The following AFF3 variants were observed in gnomAD, a reference collection of about 807,000 sequenced individuals.
The protein encoded by AFF3 is AF4/FMR2 family member 3.
AFF3 carries 32 observed loss-of-function variants against 129.7 expected under a neutral mutation model. The observed-to-expected ratio is 0.25, with a 90% CI of 0.19 to 0.33. The LOEUF is 0.33. Among genes scored for constraint, AFF3 ranks in the 10% least tolerant of loss-of-function variants. The pLI is 1.00. For missense variants in AFF3, 1,373 were observed against 1,592.0 expected (o/e 0.86, Z 2.34); for synonymous variants, 644 against 635.4 (o/e 1.01, Z -0.20).
Position 100,090,951 on chromosome 2 carries a change from A to G in AFF3, c.53+13451T>C, listed in dbSNP as rs866763730. Among the ~76,000 whole-genome samples the G allele has an allele frequency of 3.3e-5, 5 of 152,254 alleles. No homozygotes were observed. The Middle Eastern group carries it at 0.01, about 313-fold the overall frequency. On this transcript the variant is annotated intron_variant, in intron 4 of 24. Transcript: ENST00000672756. ...GTGATCTACCCACCTCGGCCTCCCA[A>G]AGTGCTGGGATTACAGGCGTGAGCC...
chr2:99,630,307 G>A (rs1000426292), intron 13 of AFF3, among the ~76,000 whole-genome samples: 1 of 152,198 alleles, frequency 6.6e-6, no homozygotes, highest in Non-Finnish European at 1.5e-5. Flanking sequence ...TGGCAGTGGT[G>A]TTAGAAAACA....
At chr2:99,603,041 C>T (rs1238273286) in intron 13 of AFF3, among the ~76,000 whole-genome samples, 2 of 152,320 alleles carry the variant, frequency 1.3e-5, no homozygotes, top group South Asian at 2.1e-4. Context: ...TCACGGTCCA[C>T]ACTGATTGTC....
intron 7 of AFF3, among the ~76,000 whole-genome samples, chr2:99,898,731 G>A (rs1243472976): frequency 2.0e-5 from 3 of 152,158 alleles, no homozygotes; most frequent in Non-Finnish European, 4.4e-5. Context: ...CACCCACTCT[G>A]ATCACCTCCT....
intron 4 of AFF3, among the ~76,000 whole-genome samples, chr2:100,071,504 T>C (rs953012114): frequency 1.3e-5 from 2 of 152,112 alleles, no homozygotes; most frequent in African/African-American, 4.8e-5. Flanking sequence ...AAAGCAAGCA[T>C]CCACTTTACC....
In AFF3 at chr2:100,056,061, TCTCACA is replaced by T. The variant is rs1395975164; in HGVS notation, c.54-47135_54-47130del. On this transcript the variant is annotated intron_variant, in intron 4 of 24. Transcript: ENST00000672756. ...ACAAAAAAAAAAATCGCTGTCTCTC[TCTCACA>T]CACACACACACACACACACACACAC... Among the ~76,000 whole-genome samples the T allele has an allele frequency of 8.1e-3, 1,088 of 133,506 alleles. 16 individuals carry two copies. Among genetic ancestry groups the T allele is most frequent in the African/African-American group, 0.026 (866 of 33,862 alleles). The allele number at this position is 133,506 out of a possible 152,430, so 87.6% of individuals were successfully genotyped here.
At chr2:99,891,563 G>A (rs1227958334) in intron 7 of AFF3, among the ~76,000 whole-genome samples, 3 of 152,308 alleles carry the variant, frequency 2.0e-5, no homozygotes, top group South Asian at 2.1e-4. Context: ...TACCCCTGCT[G>A]CAGGTGCGGG....
Position 99,729,880 on chromosome 2 carries a change from G to C in AFF3, c.1040-2752C>G, listed in dbSNP as rs540894393. On this transcript the variant is annotated intron_variant, in intron 10 of 24. Transcript: ENST00000672756. ...CCAATGTTTCACACTGGTCTCTTTG[G>C]GAGGGAATCTGCATTGGTCATTAAT... is the stretch of plus-strand genomic sequence containing the variant. Among the ~76,000 whole-genome samples, 5 of 151,986 alleles carry C rather than the reference G, an allele frequency of 3.3e-5. No homozygotes were observed. In the South Asian group the frequency reaches 8.3e-4, roughly 25 times the overall value.
rs535709989 is a variant in AFF3 at position 99,572,245 on chromosome 2, A to G, written c.2919-3330T>C. Among the ~76,000 whole-genome samples the G allele has an allele frequency of 8.3e-4, 121 of 145,844 alleles. 2 individuals are homozygous for G. In the South Asian group the frequency reaches 0.017, roughly 20 times the overall value. ...TCTCTCCAACAAAAGCATTCTGAGC[A>G]CTTGATCCAAATAGAATGTTTTCTT... On this transcript the variant is annotated intron_variant, in intron 18 of 24. Coordinates refer to ENST00000672756, the MANE Select transcript of AFF3 (RefSeq NM_001386135.1).
intron 7 of AFF3, among the ~76,000 whole-genome samples, chr2:99,930,251 T>C (rs752827259): frequency 1.3e-5 from 2 of 152,196 alleles, no homozygotes; most frequent in African/African-American, 4.8e-5. Context: ...CAGGCAGAGC[T>C]GAACAGCTGG....
intron 4 of AFF3, among the ~76,000 whole-genome samples, chr2:100,080,177 G>A (rs1454081487): frequency 6.6e-6 from 1 of 152,152 alleles, no homozygotes; most frequent in Non-Finnish European, 1.5e-5. Context: ...CATCAGGTCG[G>A]ATGTCAAATT....
At position 100,105,260 on chromosome 2, in the gene AFF3, G is replaced by A. The variant is rs891294059; in HGVS notation, c.-65+244C>T. 4 of 1,147,166 alleles carry A rather than the reference G, an allele frequency of 3.5e-6. No homozygotes were observed. The Admixed American group carries it at 1.1e-4, about 32-fold the overall frequency. The allele number at this position is 1,147,166 out of a possible 1,614,324, so 71.1% of individuals were successfully genotyped here. On this transcript the variant is annotated intron_variant, in intron 3 of 24. Transcript: ENST00000672756. Reference sequence around the variant, plus strand: ...TCCCGCGGGCGGCGGACCCGGGTGGGTGCGGGGGAATTCCCCGGCCGCCCA... The same window carrying A: ...TCCCGCGGGCGGCGGACCCGGGTGGATGCGGGGGAATTCCCCGGCCGCCCA...
intron 2 of AFF3, among the ~76,000 whole-genome samples, chr2:100,107,951 CTT>C (rs1691376116): frequency 6.6e-6 from 1 of 150,548 alleles, no homozygotes; most frequent in Non-Finnish European, 1.5e-5. Context: ...TTTTTTCTCT[CTT>C]TATAATCCCA....
chr2:99,762,420 C>T (rs759597379), intron 8 of AFF3, among the ~76,000 whole-genome samples: 2 of 152,120 alleles, frequency 1.3e-5, no homozygotes, highest in Non-Finnish European at 2.9e-5. Context: ...CCACCGTGCC[C>T]GGCCAATGCC....
chr2:99,591,238 G>C (rs1281849165), intron 15 of AFF3, among the ~76,000 whole-genome samples: 2 of 151,968 alleles, frequency 1.3e-5, no homozygotes, highest in East Asian at 3.9e-4. Context: ...CTAGGCTGGA[G>C]TGCAGTGGCA....
intron 7 of AFF3, among the ~76,000 whole-genome samples, chr2:99,863,525 A>G (rs554469468): frequency 1.3e-5 from 2 of 152,338 alleles, no homozygotes; most frequent in South Asian, 2.1e-4. Flanking sequence ...TACTGGAAAA[A>G]TATTTGGATT....
At chr2:99,812,340 C>T (rs528421571) in intron 8 of AFF3, among the ~76,000 whole-genome samples, 11 of 152,280 alleles carry the variant, frequency 7.2e-5, no homozygotes, top group Admixed American at 4.6e-4. Context: ...TACCCTCTGA[C>T]GAAACCTCTG....
chr2:100,024,767 T>C (rs757950458), intron 4 of AFF3, among the ~76,000 whole-genome samples: 34 of 152,054 alleles, frequency 2.2e-4, no homozygotes, highest in African/African-American at 7.2e-4. Flanking sequence ...TGTATAGATA[T>C]GGGGAATATC....
intron 7 of AFF3, among the ~76,000 whole-genome samples, chr2:99,901,876 G>T (rs1694368272): frequency 6.6e-6 from 1 of 151,996 alleles, no homozygotes; most frequent in South Asian, 2.1e-4. Context: ...CCAACTGCTT[G>T]TCACAGCTAA....
chr2:99,596,784 T>C (rs930500045), intron 14 of AFF3, among the ~76,000 whole-genome samples: 1 of 152,198 alleles, frequency 6.6e-6, no homozygotes, highest in Admixed American at 6.5e-5. Flanking sequence ...TTTAATACAT[T>C]TAGTACAGGC....
Sources: allele counts gnomAD v4.1 joint callset (sites outside exome capture counted in the v4.1 genomes callset), GRCh38; gene constraint gnomAD v4.1.1; transcripts MANE v1.5; gene names NCBI Gene and HGNC (gene_info 2026-07-23, HGNC 2026-07-21).